Variants in TBC1D2 observed in about 807,000 individuals in gnomAD.
TBC1D2 encodes TBC1 domain family member 2.
A neutral mutation model predicts 91.1 loss-of-function variants in TBC1D2; 58 were observed. The observed-to-expected ratio is 0.64, with a 90% CI of 0.52 to 0.79. TBC1D2 has a LOEUF of 0.79. Among genes scored for constraint, TBC1D2 ranks in the 30% least tolerant of loss-of-function variants. TBC1D2 has a pLI of 0.00. For missense variants in TBC1D2, 1,080 were observed against 1,208.3 expected, an observed-to-expected ratio of 0.89 and a Z score of 1.57; for synonymous variants, 482 against 511.5, an observed-to-expected ratio of 0.94 and a Z score of 0.78.
intron 8 of TBC1D2, 82 bp from the exon 9 acceptor site, chr9:98,209,226 G>T: frequency 7.2e-7 from 1 of 1,385,330 alleles, no homozygotes; most frequent in Non-Finnish European, 1.0e-6. Flanking sequence ...AGGACCCCAG[G>T]CCAGGTTCCT....
intron 3 of TBC1D2, among the ~76,000 whole-genome samples, chr9:98,238,135 C>A (rs1281361234): frequency 7.4e-6 from 1 of 135,978 alleles, no homozygotes; most frequent in East Asian, 1.9e-4. Flanking sequence ...AACTCCTGAC[C>A]TCAAGTGATC....
chr9:98,240,252 C>G (rs1442620283), intron 3 of TBC1D2, among the ~76,000 whole-genome samples: 1 of 151,682 alleles, frequency 6.6e-6, no homozygotes, highest in African/African-American at 2.4e-5. Flanking sequence ...ATGGATAGTA[C>G]AGCTGAGTGA....
intron 9 of TBC1D2, 85 bp from the exon 10 acceptor site, chr9:98,203,493 C>T: frequency 6.4e-7 from 1 of 1,568,116 alleles, no homozygotes; most frequent in Non-Finnish European, 8.6e-7. Context: ...TCCTGGGTTC[C>T]AGGGGGAAAG....
intron 1 of TBC1D2, among the ~76,000 whole-genome samples, chr9:98,253,078 C>T (rs1302847719): frequency 6.6e-6 from 1 of 152,172 alleles, no homozygotes; most frequent in African/African-American, 2.4e-5. Context: ...CCAAATACCC[C>T]ATTTTATTAA....
intron 9 of TBC1D2, among the ~76,000 whole-genome samples, chr9:98,203,723 TCA>T (rs1205945300): frequency 6.6e-6 from 1 of 152,132 alleles, no homozygotes; most frequent in Admixed American, 6.5e-5. Flanking sequence ...CCTGTAAGCC[TCA>T]GTCTCATAAT....
rs574296941 is a variant in TBC1D2, at chr9:98,204,873, G to A, written c.2151-1465C>T. On this transcript the variant is annotated intron_variant, in intron 9 of 12. Transcript: ENST00000465784. ...AGATACACTGGCCTCTATCCTTTTCGTCTGTGCCCAGGGCAGACATAACTA... is the reference window on the plus strand; with the variant it reads ...AGATACACTGGCCTCTATCCTTTTCATCTGTGCCCAGGGCAGACATAACTA... Among the ~76,000 whole-genome samples the A allele has an allele frequency of 5.7e-4, 87 of 152,298 alleles. 1 individual carries two copies. The highest frequency in any genetic ancestry group is 1.9e-3 in the African/African-American group (78 of 41,556).
At chr9:98,202,903 G>A (rs2118988948) in intron 10 of TBC1D2, among the ~76,000 whole-genome samples, 1 of 152,396 alleles carries the variant, frequency 6.6e-6, no homozygotes, top group South Asian at 2.1e-4. Context: ...AAATTGCTGG[G>A]TCAGGGAGCC....
Position 98,251,834 on chromosome 9 carries a change from G to T in TBC1D2, c.462C>A (p.Thr154=), listed in dbSNP as rs61752493. Residue 154 remains threonine, a synonymous_variant, in exon 2 of 13, where the codon ACC becomes ACA. Coordinates refer to ENST00000465784, the MANE Select transcript of TBC1D2 (RefSeq NM_001267571.2). ...FHNSPPAPPA[T]PDAALAGNGP... The stretch of plus-strand genomic sequence containing the variant: ...CATTCCCAGCCAGGGCGGCATCAGG[G>T]GTGGCAGGAGGTGCCGGCGGGCTGT... 1,152 of 1,605,106 alleles carry T rather than the reference G, an allele frequency of 7.2e-4. 8 individuals are homozygous for T. In the African/African-American group the frequency reaches 0.014, roughly 19 times the overall value.
chr9:98,213,385 CT>C, intron 6 of TBC1D2, 167 bp from the exon 7 acceptor site: 1 of 1,431,568 alleles, frequency 7.0e-7, no homozygotes, highest in Non-Finnish European at 9.1e-7. Context: ...TAGCACCCTT[CT>C]CTATTCTTGA....
intron 9 of TBC1D2, among the ~76,000 whole-genome samples, chr9:98,207,166 C>T (rs1220134690): frequency 6.6e-6 from 1 of 152,168 alleles, no homozygotes; most frequent in Non-Finnish European, 1.5e-5. Context: ...ATTGTACATA[C>T]ACATGCTCAA....
At position 98,255,629 on chromosome 9, in the gene TBC1D2, G is replaced by A; in HGVS notation, c.-88C>T. ...GAGACTCGGCGGGCAGCTTCCCAAA[G>A]GGAGACACCTGGGCGGGGGCGGGGC... On this transcript the variant is annotated 5_prime_UTR_variant, in exon 1 of 13. Transcript: ENST00000465784. 1.4e-6 allele frequency: 2 copies of A among 1,393,494 alleles called. No homozygotes were observed. Among genetic ancestry groups the A allele is most frequent in the Non-Finnish European group, 1.9e-6 (2 of 1,077,404 alleles). The allele number at this position is 1,393,494 out of a possible 1,614,324, so 86.3% of individuals were successfully genotyped here. A position where few individuals can be genotyped will look rare whatever the true frequency, so the allele number is the denominator to read the frequency against.
intron 2 of TBC1D2, among the ~76,000 whole-genome samples, chr9:98,248,094 A>G (rs1355114760): frequency 1.3e-5 from 2 of 152,236 alleles, no homozygotes; most frequent in Non-Finnish European, 2.9e-5. Context: ...GCCAAAGTCA[A>G]AGCTAGCAGG....
chr9:98,254,071 C>T (rs1281369592), intron 1 of TBC1D2, among the ~76,000 whole-genome samples: 1 of 152,276 alleles, frequency 6.6e-6, no homozygotes, highest in African/African-American at 2.4e-5. Context: ...TTAACCAAGT[C>T]CCCCAGCCTG....
chr9:98,223,032 G>A lies in TBC1D2; in HGVS notation c.979-1804C>T, dbSNP rs147036200. On this transcript the variant is annotated intron_variant, in intron 5 of 12. Transcript: ENST00000465784. ...GGCCAGGCCCTGAGCCAGGTGCCGT[G>A]GCCCAGAGAGGGAGTGGTGAGAGTT... is the stretch of plus-strand genomic sequence containing the variant. Among the ~76,000 whole-genome samples the A allele has an allele frequency of 3.1e-4, 47 of 152,330 alleles. 1 individual carries two copies. Among genetic ancestry groups the A allele is most frequent in the African/African-American group, 1.1e-3 (47 of 41,566 alleles).
intron 10 of TBC1D2, 58 bp from the exon 11 acceptor site, chr9:98,201,722 C>A: frequency 1.3e-6 from 2 of 1,517,576 alleles, no homozygotes; most frequent in Non-Finnish European, 1.8e-6. Context: ...TGCCTCCCTC[C>A]CTGCCCAGCC....
intron 12 of TBC1D2, among the ~76,000 whole-genome samples, 186 bp from the exon 13 acceptor site, chr9:98,199,774 G>T (rs1828436904): frequency 6.6e-6 from 1 of 152,224 alleles, no homozygotes; most frequent in South Asian, 2.1e-4. Context: ...GCAGGAGGAA[G>T]ATCAGAAGAA....
chr9:98,253,633 C>T (rs1292256932), intron 1 of TBC1D2, among the ~76,000 whole-genome samples: 1 of 152,148 alleles, frequency 6.6e-6, no homozygotes, highest in Non-Finnish European at 1.5e-5. Context: ...TCACGGTGCT[C>T]TCTTGGCCTG....
chr9:98,227,936 C>A (rs1829275220), intron 5 of TBC1D2, among the ~76,000 whole-genome samples: 2 of 152,108 alleles, frequency 1.3e-5, no homozygotes, highest in Admixed American at 6.6e-5. Context: ...TAGATTTCTT[C>A]CCACCAAAAT....
intron 5 of TBC1D2, among the ~76,000 whole-genome samples, chr9:98,222,953 C>G (rs1829135020): frequency 6.6e-6 from 1 of 152,220 alleles, no homozygotes; most frequent in Non-Finnish European, 1.5e-5. Flanking sequence ...TCTCTCTTTT[C>G]CTTCCACATG....
Sources: allele counts gnomAD v4.1 joint callset (sites outside exome capture counted in the v4.1 genomes callset), GRCh38; gene constraint gnomAD v4.1.1; transcripts MANE v1.5; gene names NCBI Gene and HGNC (gene_info 2026-07-23, HGNC 2026-07-21).